Variants in CSRNP3 observed in about 807,000 individuals in gnomAD.
CSRNP3 encodes the protein cysteine/serine-rich nuclear protein 3.
CSRNP3 carries 12 observed loss-of-function variants against 48.0 expected under a neutral mutation model. That is an observed-to-expected ratio of 0.25 (90% CI 0.16 to 0.41). CSRNP3 has a LOEUF of 0.41. Among genes scored for constraint, CSRNP3 ranks in the 10% least tolerant of loss-of-function variants. CSRNP3 has a pLI of 1.00. For synonymous variants in CSRNP3, 263 were observed against 269.7 expected (o/e 0.98, Z 0.24); for missense variants, 580 against 724.4 (o/e 0.80, Z 2.29).
At position 165,686,061 on chromosome 2, in the gene CSRNP3, CTTCT is replaced by C; in HGVS notation, c.*6311_*6314del. The C allele has an allele frequency of 1.3e-5, 2 of 152,166 alleles. No homozygotes were observed. The highest frequency in any genetic ancestry group is 4.1e-4 in the South Asian group (2 of 4,822). 9.4% of individuals were successfully genotyped at this position (152,166 alleles called of 1,614,324 possible). Reference sequence around the variant, plus strand: ...AGTTTTAGTTGTAACTTTAGAGTAGCTTCTTTGTTAGAGGATCTCTTTCCTTTCT... The same window carrying C: ...AGTTTTAGTTGTAACTTTAGAGTAGCTTGTTAGAGGATCTCTTTCCTTTCT... On this transcript the variant is annotated 3_prime_UTR_variant, in exon 7 of 7. Coordinates refer to ENST00000651982, the MANE Select transcript of CSRNP3 (RefSeq NM_001172173.2).
At chr2:165,502,110 AAG>A (rs1474281685) in intron 2 of CSRNP3, among the ~76,000 whole-genome samples, 6 of 152,004 alleles carry the variant, frequency 3.9e-5, no homozygotes, top group Non-Finnish European at 7.4e-5. Context: ...TATGGTGAAA[AAG>A]TATACAGAAC....
chr2:165,659,618 T>C (rs1687064721), intron 5 of CSRNP3, among the ~76,000 whole-genome samples: 1 of 152,200 alleles, frequency 6.6e-6, no homozygotes, highest in African/African-American at 2.4e-5. Context: ...ACTGAAAACA[T>C]CTTTTGTCAA....
At chr2:165,603,658 C>T (rs1685961507) in intron 4 of CSRNP3, among the ~76,000 whole-genome samples, 2 of 152,126 alleles carry the variant, frequency 1.3e-5, no homozygotes, top group South Asian at 4.1e-4. Flanking sequence ...AAGGCCAGGA[C>T]TCTTCACCAC....
intron 3 of CSRNP3, among the ~76,000 whole-genome samples, chr2:165,555,119 C>A (rs983781993): frequency 3.3e-5 from 5 of 152,120 alleles, no homozygotes; most frequent in Non-Finnish European, 5.9e-5. Flanking sequence ...TGCACCCTTC[C>A]CTAATCAGAA....
intron 3 of CSRNP3, among the ~76,000 whole-genome samples, chr2:165,527,089 A>G (rs1684741537): frequency 6.6e-6 from 1 of 152,194 alleles, no homozygotes; most frequent in Non-Finnish European, 1.5e-5. Flanking sequence ...TGAGGTATTA[A>G]ATAAAGGTGT....
chr2:165,656,870 A>G (rs1205414035), intron 4 of CSRNP3, among the ~76,000 whole-genome samples: 1 of 152,128 alleles, frequency 6.6e-6, no homozygotes, highest in African/African-American at 2.4e-5. Context: ...GTATAATACA[A>G]CTCCTGTGAA....
intron 4 of CSRNP3, among the ~76,000 whole-genome samples, chr2:165,620,751 G>T (rs1023389202): frequency 6.6e-6 from 1 of 152,058 alleles, no homozygotes; most frequent in Non-Finnish European, 1.5e-5. Flanking sequence ...TATTTGTAAG[G>T]TGCCTCCTAA....
intron 3 of CSRNP3, among the ~76,000 whole-genome samples, chr2:165,587,332 T>C (rs1042766859): frequency 6.6e-6 from 1 of 152,174 alleles, no homozygotes; most frequent in Non-Finnish European, 1.5e-5. Flanking sequence ...ATTATACTGA[T>C]AAATGCACAA....
At chr2:165,546,380 A>G (rs1347094718) in intron 3 of CSRNP3, among the ~76,000 whole-genome samples, 1 of 151,992 alleles carries the variant, frequency 6.6e-6, no homozygotes, top group African/African-American at 2.4e-5. Context: ...TTTAGTATAG[A>G]TGGGGTTTCA....
chr2:165,493,133 A>T (rs1412731733), intron 1 of CSRNP3, among the ~76,000 whole-genome samples: 1 of 152,006 alleles, frequency 6.6e-6, no homozygotes, highest in East Asian at 1.9e-4. Flanking sequence ...GAATTTTAGC[A>T]TCAAAATCAA....
chr2:165,616,562 A>T (rs1248821690), intron 4 of CSRNP3, among the ~76,000 whole-genome samples: 1 of 152,160 alleles, frequency 6.6e-6, no homozygotes, highest in Non-Finnish European at 1.5e-5. Context: ...TTTTATAAAA[A>T]CACTTTGAAT....
chr2:165,615,566 G>T (rs1686225443), intron 4 of CSRNP3, among the ~76,000 whole-genome samples: 1 of 150,500 alleles, frequency 6.6e-6, no homozygotes, highest in South Asian at 2.1e-4. Flanking sequence ...AATTATAAAA[G>T]AATTGTTATA....
At chr2:165,573,297 A>T (rs542234999) in intron 3 of CSRNP3, among the ~76,000 whole-genome samples, 6 of 152,142 alleles carry the variant, frequency 3.9e-5, no homozygotes, top group Admixed American at 3.9e-4. Flanking sequence ...AAGAGAAGAG[A>T]TTATTTGATG....
intron 4 of CSRNP3, among the ~76,000 whole-genome samples, chr2:165,632,086 A>G (rs1686547708): frequency 6.6e-6 from 1 of 152,266 alleles, no homozygotes; most frequent in South Asian, 2.1e-4. Context: ...AAATATGACT[A>G]TCATCACACT....
At chr2:165,662,222 T>C (rs567904087) in intron 5 of CSRNP3, among the ~76,000 whole-genome samples, 20 of 115,674 alleles carry the variant, frequency 1.7e-4, no homozygotes, top group African/African-American at 6.1e-4. Flanking sequence ...ATAAAATTGC[T>C]CCTAATTTAG....
At chr2:165,521,662 G>A (rs1040697829) in intron 3 of CSRNP3, among the ~76,000 whole-genome samples, 29 of 151,976 alleles carry the variant, frequency 1.9e-4, no homozygotes, top group Non-Finnish European at 3.4e-4. Flanking sequence ...CATCGTTCTG[G>A]CAAATAATTT....
At chr2:165,569,752 C>T (rs1340009090) in intron 3 of CSRNP3, among the ~76,000 whole-genome samples, 3 of 151,868 alleles carry the variant, frequency 2.0e-5, no homozygotes, top group Non-Finnish European at 4.4e-5. Context: ...TGGGGCTATC[C>T]TCTTGCCATC....
chr2:165,640,533 A>G (rs781076794), intron 4 of CSRNP3, among the ~76,000 whole-genome samples: 3 of 152,196 alleles, frequency 2.0e-5, no homozygotes, highest in Non-Finnish European at 4.4e-5. Context: ...GGCCACTAGC[A>G]GTCTGGTACT....
intron 3 of CSRNP3, among the ~76,000 whole-genome samples, chr2:165,521,393 A>G (rs1684660366): frequency 6.6e-6 from 1 of 152,204 alleles, no homozygotes; most frequent in Non-Finnish European, 1.5e-5. Flanking sequence ...AGAAAATAGC[A>G]TATGCTTTCT....
Sources: gnomAD v4.1 joint callset for allele counts (sites outside exome capture counted in the v4.1 genomes callset) on GRCh38, gnomAD v4.1.1 for gene constraint, MANE v1.5 for transcripts, NCBI Gene and HGNC (gene_info 2026-07-23, HGNC 2026-07-21) for gene names.